Variants in PRKN observed in about 807,000 individuals in gnomAD.
PRKN encodes parkin RBR E3 ubiquitin protein ligase.
PRKN carries 56 observed loss-of-function variants against 59.5 expected under a neutral mutation model. The observed-to-expected ratio is 0.94, with a 90% CI of 0.76 to 1.18. PRKN has a LOEUF of 1.18. PRKN is among the 50% of genes most tolerant of loss of function. The pLI is 0.00. For synonymous variants in PRKN, 250 were observed against 222.1 expected, an observed-to-expected ratio of 1.13 and a Z score of -1.12; for missense variants, 657 against 596.4, an observed-to-expected ratio of 1.10 and a Z score of -1.06.
intron 6 of PRKN, among the ~76,000 whole-genome samples, chr6:161,832,364 G>A (rs1792536933): frequency 6.6e-6 from 1 of 152,006 alleles, no homozygotes. Flanking sequence ...TGGCTCTCAC[G>A]CCTGTAATCT....
At chr6:161,509,589 A>T (rs528388383) in intron 9 of PRKN, among the ~76,000 whole-genome samples, 1 of 151,272 alleles carries the variant, frequency 6.6e-6, no homozygotes, top group Non-Finnish European at 1.5e-5. Flanking sequence ...GGGGAAAAAA[A>T]GAAAAAAAGG....
rs548916165 is a variant in PRKN at position 161,530,276 on chromosome 6, G to A, written c.1083+18578C>T. Among the ~76,000 whole-genome samples the A allele has an allele frequency of 5.3e-5, 8 of 152,256 alleles. No individual in the cohort carries two copies. Among genetic ancestry groups the A allele is most frequent in the South Asian group, 2.1e-4 (1 of 4,826 alleles). On this transcript the variant is annotated intron_variant, in intron 9 of 11. Transcript: ENST00000366898. This position sits in a 1 kb window ranked among gnomAD's most constrained non-coding sequence, Gnocchi z 5.0. Reference sequence around the variant, plus strand: ...ATTTAGACATTTTTTGAAGATTCACGTGTTTGGTTCAATATAAAAGTATCA... The same window carrying A: ...ATTTAGACATTTTTTGAAGATTCACATGTTTGGTTCAATATAAAAGTATCA...
At position 162,458,428 on chromosome 6, in the gene PRKN, A is replaced by G. The variant is rs538723187; in HGVS notation, c.8-14955T>C. Among the ~76,000 whole-genome samples, 4 of 136,434 alleles carry G rather than the reference A, an allele frequency of 2.9e-5. No homozygotes were observed. The South Asian group carries it at 7.0e-4, about 24-fold the overall frequency. The allele number at this position is 136,434 out of a possible 152,430, so 89.5% of individuals were successfully genotyped here. A position where few individuals can be genotyped will look rare whatever the true frequency, so the allele number is the denominator to read the frequency against. ...GTGATAAGAGCGAGACTCCATCTCA[A>G]AAAAAAAAAAAAAAAATTTTTTTTA... On this transcript the variant is annotated intron_variant, in intron 1 of 11. Coordinates refer to ENST00000366898, the MANE Select transcript of PRKN (RefSeq NM_004562.3).
At chr6:162,533,988 A>AAAAAG (rs71004099) in intron 1 of PRKN, among the ~76,000 whole-genome samples, 85 of 143,714 alleles carry the variant, frequency 5.9e-4, no homozygotes, top group South Asian at 1.1e-3. Flanking sequence ...AAAAAAAAAA[A>AAAAAG]GAGATATGAA....
At chr6:162,214,162 C>G (rs1198212080) in intron 3 of PRKN, among the ~76,000 whole-genome samples, 1 of 152,136 alleles carries the variant, frequency 6.6e-6, no homozygotes, top group Non-Finnish European at 1.5e-5. Flanking sequence ...CAAAGGGGAA[C>G]AGATCAAACA....
intron 7 of PRKN, among the ~76,000 whole-genome samples, chr6:161,658,692 A>G (rs1276760918): frequency 6.6e-6 from 1 of 152,238 alleles, no homozygotes; most frequent in Admixed American, 6.5e-5. Flanking sequence ...CAAATATTTC[A>G]TCCTTAAGAA....
chr6:162,056,893 G>A lies in PRKN; in HGVS notation c.535-2719C>T, dbSNP rs920223961. ...GCGTTGTCACAACTGAGTGCCTCTC[G>A]AGTGACCACTGGGGGAGGACTCAGA... On this transcript the variant is annotated intron_variant, in intron 4 of 11. Transcript: ENST00000366898. The surrounding 1 kb of genome is among the most constrained non-coding windows in gnomAD (Gnocchi z 4.9). Among the ~76,000 whole-genome samples the A allele has an allele frequency of 6.6e-6, 1 of 152,222 alleles. No homozygotes were observed. Among genetic ancestry groups the A allele is most frequent in the East Asian group, 1.9e-4 (1 of 5,174 alleles).
At chr6:161,870,171 T>C (rs186392331) in intron 6 of PRKN, among the ~76,000 whole-genome samples, 1 of 152,250 alleles carries the variant, frequency 6.6e-6, no homozygotes, top group Admixed American at 6.5e-5. Context: ...GGTATGGTCA[T>C]AGACAGAGAA....
chr6:162,099,876 T>C (rs1436675710), intron 4 of PRKN, among the ~76,000 whole-genome samples: 1 of 152,180 alleles, frequency 6.6e-6, no homozygotes, highest in East Asian at 1.9e-4. Context: ...CACTTTTTCC[T>C]CCTGACTCAC....
rs542828714 is a variant in PRKN, at chr6:161,747,944, C to A, written c.871+37828G>T. Among the ~76,000 whole-genome samples the A allele has an allele frequency of 2.6e-5, 4 of 152,236 alleles. No individual in the cohort carries two copies. In the South Asian group the frequency reaches 8.3e-4, roughly 32 times the overall value. On this transcript the variant is annotated intron_variant, in intron 7 of 11. Transcript: ENST00000366898. Reference sequence around the variant, plus strand: ...TAACTACTATAAGGAGAAAATATAACCTAAATGAGGTGGATTATGTGGATT... The same window carrying A: ...TAACTACTATAAGGAGAAAATATAAACTAAATGAGGTGGATTATGTGGATT...
rs1222425376 is a variant in PRKN at position 161,470,082 on chromosome 6, G to C, written c.1083+78772C>G. Among the ~76,000 whole-genome samples the C allele has an allele frequency of 6.6e-6, 1 of 152,148 alleles. No individual in the cohort carries two copies. Among genetic ancestry groups the C allele is most frequent in the Non-Finnish European group, 1.5e-5 (1 of 68,016 alleles). On this transcript the variant is annotated intron_variant, in intron 9 of 11. Coordinates refer to ENST00000366898, the MANE Select transcript of PRKN (RefSeq NM_004562.3). The surrounding 1 kb of genome is among the most constrained non-coding windows in gnomAD (Gnocchi z 5.1). ...ACTCTTAAAAAACACCCATTTAATA[G>C]AAGAGGAAAGTGAGCCACAGAGAAG...
intron 7 of PRKN, among the ~76,000 whole-genome samples, chr6:161,674,390 C>A (rs559467901): frequency 1.2e-4 from 19 of 152,230 alleles, no homozygotes; most frequent in African/African-American, 4.1e-4. Context: ...ATTATCATTA[C>A]TGCTCCTATA....
intron 6 of PRKN, among the ~76,000 whole-genome samples, chr6:161,899,638 C>T (rs981251826): frequency 3.3e-5 from 5 of 152,164 alleles, no homozygotes; most frequent in African/African-American, 1.2e-4. Context: ...TTCAGCTTAT[C>T]GATGATATCA....
chr6:161,733,783 A>ATATAT (rs1554298472), intron 7 of PRKN, among the ~76,000 whole-genome samples: 1 of 86,216 alleles, frequency 1.2e-5, no homozygotes, highest in African/African-American at 8.8e-5. Context: ...AAAAAAAAAA[A>ATATAT]ATATATATAT....
rs534981060 is a variant in PRKN, at chr6:161,419,539, C to T, written c.1084-32662G>A. 6.6e-6 allele frequency among the ~76,000 whole-genome samples: 1 copy of T among 152,104 alleles called. No homozygotes were observed. Among genetic ancestry groups the T allele is most frequent in the African/African-American group, 2.4e-5 (1 of 41,482 alleles). On this transcript the variant is annotated intron_variant, in intron 9 of 11. Coordinates refer to ENST00000366898, the MANE Select transcript of PRKN (RefSeq NM_004562.3). The surrounding 1 kb of genome is among the most constrained non-coding windows in gnomAD (Gnocchi z 4.1). ...AGTAGCTGGGATTACAGGTACACGC[C>T]ACTGCGCCTGGCTAATTTTTGTATT...
At chr6:161,797,389 C>A (rs927868797) in intron 6 of PRKN, among the ~76,000 whole-genome samples, 1 of 152,114 alleles carries the variant, frequency 6.6e-6, no homozygotes, top group African/African-American at 2.4e-5. Flanking sequence ...GCCTCAGCCC[C>A]CTACGTAGCT....
At chr6:161,630,742 G>T (rs12110861) in intron 7 of PRKN, among the ~76,000 whole-genome samples, 8,676 of 151,778 alleles carry the variant, frequency 0.057, 860 homozygotes, top group African/African-American at 0.2. Flanking sequence ...CCATGTCTAG[G>T]GCCCTAGACT....
At chr6:162,047,411 G>C (rs1170486895) in intron 5 of PRKN, among the ~76,000 whole-genome samples, 3 of 152,140 alleles carry the variant, frequency 2.0e-5, no homozygotes, top group African/African-American at 7.2e-5. Flanking sequence ...GGCAACACAA[G>C]AATATGGAGC....
At chr6:162,320,362 C>CAAAAA (rs55793911) in intron 2 of PRKN, among the ~76,000 whole-genome samples, 1 of 7,296 alleles carries the variant, frequency 1.4e-4, no homozygotes, top group African/African-American at 5.7e-4. Context: ...TACAAAAAGC[C>CAAAAA]AAAAAAAAAA....
Sources: allele counts gnomAD v4.1 joint callset (sites outside exome capture counted in the v4.1 genomes callset), GRCh38; gene constraint gnomAD v4.1.1; non-coding constraint Gnocchi (gnomAD v3.1); transcripts MANE v1.5; gene names NCBI Gene and HGNC (gene_info 2026-07-23, HGNC 2026-07-21).